RPS6KC1: variants seen among roughly 807,000 people sequenced by gnomAD.
RPS6KC1 encodes inactive ribosomal protein S6 kinase delta-1.
In RPS6KC1, 54 loss-of-function variants were observed where a neutral mutation model predicts 103.8. That is an observed-to-expected ratio of 0.52 (90% CI 0.42 to 0.65). RPS6KC1 has a LOEUF of 0.65. Ranked by LOEUF, RPS6KC1 falls within the 30% of genes least tolerant of loss-of-function variation. RPS6KC1 has a pLI of 0.00. For synonymous variants in RPS6KC1, 439 were observed against 438.7 expected (o/e 1.00, Z -0.01); for missense variants, 1,151 against 1,253.8 (o/e 0.92, Z 1.24).
chr1:213,219,507 G>A (rs150847176), intron 8 of RPS6KC1, among the ~76,000 whole-genome samples: 363 of 152,228 alleles, frequency 2.4e-3, no homozygotes, highest in Non-Finnish European at 4.2e-3. Context: ...TTCCATTACC[G>A]GGTATATACC....
At chr1:213,639,779 A>G in the RPS6KC1 span, among the ~76,000 whole-genome samples, 8 of 151,848 alleles carry the variant, frequency 5.3e-5, no homozygotes, top group African/African-American at 7.2e-5. Flanking sequence ...TTAAAAAAAG[A>G]TATTTCTCTA....
intron 3 of RPS6KC1, among the ~76,000 whole-genome samples, chr1:213,091,089 G>T (rs1026902491): frequency 6.6e-6 from 1 of 151,274 alleles, no homozygotes; most frequent in African/African-American, 2.4e-5. Flanking sequence ...ACGGAGTCTC[G>T]CTCTGTTGTC....
the RPS6KC1 span, among the ~76,000 whole-genome samples, chr1:213,549,455 C>G: frequency 6.6e-6 from 1 of 152,024 alleles, no homozygotes; most frequent in African/African-American, 2.4e-5. Context: ...GGTCATGTCC[C>G]TTGCTAAGGT....
At chr1:213,715,299 A>G in the RPS6KC1 span, among the ~76,000 whole-genome samples, 1 of 152,226 alleles carries the variant, frequency 6.6e-6, no homozygotes, top group Non-Finnish European at 1.5e-5. Context: ...GGCAGATCTG[A>G]GCTCTTAACA....
chr1:213,310,251 T>C, the RPS6KC1 span, among the ~76,000 whole-genome samples: 1 of 152,136 alleles, frequency 6.6e-6, no homozygotes. Flanking sequence ...GCTCATAACT[T>C]CCAGTGGCTT....
the RPS6KC1 span, among the ~76,000 whole-genome samples, chr1:213,660,095 C>A: frequency 1.3e-5 from 2 of 152,186 alleles, no homozygotes; most frequent in Non-Finnish European, 2.9e-5. Context: ...TCCGAGGTTA[C>A]TGGTTTAATA....
At chr1:213,515,093 A>T in the RPS6KC1 span, among the ~76,000 whole-genome samples, 2 of 150,814 alleles carry the variant, frequency 1.3e-5, no homozygotes, top group Non-Finnish European at 3.0e-5. Flanking sequence ...TTTTTCTTGT[A>T]AATTTGTTTG....
chr1:213,861,378 A>T, the RPS6KC1 span, among the ~76,000 whole-genome samples: 29 of 152,138 alleles, frequency 1.9e-4, no homozygotes, highest in Non-Finnish European at 4.0e-4. Flanking sequence ...TTCTAAGAGA[A>T]AGCTGGGTGC....
the RPS6KC1 span, among the ~76,000 whole-genome samples, chr1:213,405,433 T>C: frequency 1.3e-5 from 2 of 152,302 alleles, no homozygotes; most frequent in South Asian, 4.1e-4. Flanking sequence ...GTTTAACATT[T>C]TATTTGCATG....
intron 8 of RPS6KC1, among the ~76,000 whole-genome samples, chr1:213,227,716 C>T (rs928003560): frequency 1.3e-5 from 2 of 152,200 alleles, no homozygotes; most frequent in African/African-American, 4.8e-5. Context: ...AGCCTCTCTC[C>T]AGTTCTTGCA....
chr1:213,494,973 C>CA, the RPS6KC1 span, among the ~76,000 whole-genome samples: 3 of 152,036 alleles, frequency 2.0e-5, no homozygotes, highest in South Asian at 6.2e-4. Context: ...ATTTAGACTT[C>CA]TTAGCTACAT....
the RPS6KC1 span, among the ~76,000 whole-genome samples, chr1:213,729,794 T>G: frequency 6.6e-6 from 1 of 152,228 alleles, no homozygotes; most frequent in African/African-American, 2.4e-5. Context: ...ACTTTAAGCT[T>G]GAGGGCACAT....
At chr1:213,416,317 A>G in the RPS6KC1 span, among the ~76,000 whole-genome samples, 1 of 152,250 alleles carries the variant, frequency 6.6e-6, no homozygotes, top group African/African-American at 2.4e-5. Flanking sequence ...TGACTGAGTC[A>G]TCTTGCCATG....
intron 14 of RPS6KC1, among the ~76,000 whole-genome samples, chr1:213,266,171 T>C (rs1454774373): frequency 6.6e-6 from 1 of 152,202 alleles, no homozygotes; most frequent in African/African-American, 2.4e-5. Context: ...ATTATAGGGC[T>C]ACTAATGAAG....
At chr1:213,395,822 A>G in the RPS6KC1 span, among the ~76,000 whole-genome samples, 859 of 152,306 alleles carry the variant, frequency 5.6e-3, 8 homozygotes, top group African/African-American at 0.019. Context: ...CTGCAGGAAA[A>G]CACATGGTAA....
At chr1:213,057,752 C>CTTTTT (rs869259657) in intron 1 of RPS6KC1, among the ~76,000 whole-genome samples, 16 of 73,662 alleles carry the variant, frequency 2.2e-4, no homozygotes, top group East Asian at 9.7e-4. Context: ...TCTGAAGTAT[C>CTTTTT]TTTTTTTTTT....
the RPS6KC1 span, among the ~76,000 whole-genome samples, chr1:213,504,606 C>T: frequency 6.6e-6 from 1 of 152,316 alleles, no homozygotes; most frequent in African/African-American, 2.4e-5. Context: ...CTTTTAGAGT[C>T]TGCACATCTG....
At chr1:213,651,725 CT>C in the RPS6KC1 span, among the ~76,000 whole-genome samples, 1 of 152,192 alleles carries the variant, frequency 6.6e-6, no homozygotes, top group Non-Finnish European at 1.5e-5. Context: ...TTTTCTGTTC[CT>C]TTCTATTGCT....
chr1:213,857,131 C>A, the RPS6KC1 span, among the ~76,000 whole-genome samples: 1 of 152,026 alleles, frequency 6.6e-6, no homozygotes, highest in Non-Finnish European at 1.5e-5. Flanking sequence ...GACTTTTTAC[C>A]AAATTGATTG....
Sources: gnomAD v4.1 joint callset for allele counts (sites outside exome capture counted in the v4.1 genomes callset) on GRCh38, gnomAD v4.1.1 for gene constraint, MANE v1.5 for transcripts, NCBI Gene and HGNC (gene_info 2026-07-23, HGNC 2026-07-21) for gene names.